Variants in GAS2 observed in about 807,000 individuals in gnomAD.
GAS2 encodes the protein growth arrest specific 2.
GAS2 carries 20 observed loss-of-function variants against 37.5 expected under a neutral mutation model. That is an observed-to-expected ratio of 0.53 (90% CI 0.37 to 0.77). The LOEUF is 0.77. Among genes scored for constraint, GAS2 ranks in the 30% least tolerant of loss-of-function variants. The probability of loss-of-function intolerance (pLI) is 0.00; values close to 1 mark genes in which losing one functional copy is unlikely to be tolerated. For synonymous variants in GAS2, 144 were observed against 132.2 expected, an observed-to-expected ratio of 1.09 and a Z score of -0.61; for missense variants, 336 against 373.4, an observed-to-expected ratio of 0.90 and a Z score of 0.82.
intron 6 of GAS2, among the ~76,000 whole-genome samples, chr11:22,749,947 T>C (rs1853639882): frequency 1.3e-5 from 2 of 152,062 alleles, no homozygotes; most frequent in Admixed American, 6.6e-5. Context: ...TAAGTAGTTA[T>C]TGGTTATGAA....
At chr11:22,758,122 C>CA (rs1564874118) in intron 7 of GAS2, among the ~76,000 whole-genome samples, 1 of 152,234 alleles carries the variant, frequency 6.6e-6, no homozygotes, top group East Asian at 1.9e-4. Flanking sequence ...AGTTACTACT[C>CA]AAAAAATCTC....
intron 1 of GAS2, among the ~76,000 whole-genome samples, chr11:22,654,277 A>G (rs527935758): frequency 1.3e-5 from 2 of 152,348 alleles, no homozygotes; most frequent in East Asian, 1.9e-4. Flanking sequence ...CTGTGAGGTC[A>G]TTATCACTTA....
chr11:22,665,216 T>C (rs1848964582), upstream of GAS2, among the ~76,000 whole-genome samples: 1 of 152,170 alleles, frequency 6.6e-6, no homozygotes, highest in Non-Finnish European at 1.5e-5. Flanking sequence ...AGAAATAGGA[T>C]GTAAGATTTT....
Position 22,674,941 on chromosome 11 carries a change from G to A in GAS2, c.72G>A (p.Trp24Ter). 1.2e-6 allele frequency: 2 copies of A among 1,613,910 alleles called. No individual in the cohort carries two copies. Among genetic ancestry groups the A allele is most frequent in the Non-Finnish European group, 1.7e-6 (2 of 1,179,888 alleles). The change falls in exon 2 of 8, where the codon TGG (tryptophan) becomes TGA (stop). Residue 24 changes from tryptophan to a stop codon, truncating the protein, a stop_gained. Coordinates refer to ENST00000454584, the MANE Select transcript of GAS2 (RefSeq NM_001143830.3). LOFTEE classifies it high-confidence loss of function. ...GLSDMHQYSQ[W>*]LASRHEANLL... ...CTGATATGCATCAGTATAGCCAATG[G>A]CTAGCCAGCAGACATGAAGCTAATT... is the stretch of plus-strand genomic sequence containing the variant.
intron 3 of GAS2, among the ~76,000 whole-genome samples, chr11:22,725,647 G>A (rs1003750809): frequency 3.9e-5 from 6 of 152,102 alleles, no homozygotes; most frequent in South Asian, 4.1e-4. Flanking sequence ...GGTTAGTCAC[G>A]AACTCCTGGA....
chr11:22,706,082 T>G (rs534540135), intron 3 of GAS2, among the ~76,000 whole-genome samples: 1 of 152,314 alleles, frequency 6.6e-6, no homozygotes, highest in Non-Finnish European at 1.5e-5. Flanking sequence ...AGACCAAAGC[T>G]AAGTCTTGTT....
intron 3 of GAS2, among the ~76,000 whole-genome samples, chr11:22,698,739 C>T (rs909562674): frequency 2.0e-5 from 3 of 152,054 alleles, no homozygotes; most frequent in African/African-American, 7.2e-5. Context: ...AAATGTAATC[C>T]AGCATATAAA....
chr11:22,669,840 G>C (rs146107026), intron 1 of GAS2, among the ~76,000 whole-genome samples: 53 of 152,216 alleles, frequency 3.5e-4, no homozygotes, highest in Middle Eastern at 3.4e-3. Context: ...GTCCCATTAC[G>C]AGGTCTGAAA....
At chr11:22,725,135 C>G (rs978429165) in intron 3 of GAS2, among the ~76,000 whole-genome samples, 29 of 151,940 alleles carry the variant, frequency 1.9e-4, no homozygotes, top group African/African-American at 6.8e-4. Flanking sequence ...CATTCTTTAG[C>G]TTCATGGAAT....
intron 3 of GAS2, among the ~76,000 whole-genome samples, chr11:22,696,617 T>A (rs1224036735): frequency 6.6e-6 from 1 of 151,922 alleles, no homozygotes; most frequent in Non-Finnish European, 1.5e-5. Context: ...GTTTCCTGAC[T>A]TTTTAATGAT....
rs889724182 is a variant in GAS2 at position 22,715,806 on chromosome 11, C to T, written c.268-10486C>T. Among the ~76,000 whole-genome samples, 7 of 151,936 alleles carry T rather than the reference C, an allele frequency of 4.6e-5. No homozygotes were observed. The East Asian group carries it at 1.4e-3, about 29-fold the overall frequency. ...TGGTACCAATCCTGCTGAAACTATT[C>T]CAAAAGATAAAGAGCTAATCTTCCC... is the stretch of plus-strand genomic sequence containing the variant. On this transcript the variant is annotated intron_variant, in intron 3 of 7. Coordinates refer to ENST00000454584, the MANE Select transcript of GAS2 (RefSeq NM_001143830.3).
intron 3 of GAS2, among the ~76,000 whole-genome samples, chr11:22,706,890 G>A (rs337455): frequency 0.2 from 29,834 of 151,800 alleles, 3,147 homozygotes; most frequent in East Asian, 0.38. Flanking sequence ...TCTAGTTCTA[G>A]ATCCCTGAGG....
chr11:22,738,802 A>T (rs1230606966), intron 5 of GAS2, among the ~76,000 whole-genome samples: 5 of 152,234 alleles, frequency 3.3e-5, no homozygotes, highest in Non-Finnish European at 7.3e-5. Flanking sequence ...TCTTTAAATC[A>T]TCATATCAAT....
chr11:22,769,227 A>G (rs1232785247), intron 7 of GAS2, among the ~76,000 whole-genome samples: 2 of 152,180 alleles, frequency 1.3e-5, no homozygotes, highest in African/African-American at 4.8e-5. Context: ...TATTTACAAA[A>G]CACCTTATAC....
At chr11:22,734,506 G>A (rs1235629290) in intron 4 of GAS2, among the ~76,000 whole-genome samples, 1 of 151,460 alleles carries the variant, frequency 6.6e-6, no homozygotes, top group African/African-American at 2.4e-5. Flanking sequence ...TTCTCTCACT[G>A]TCTAGTAACT....
intron 7 of GAS2, among the ~76,000 whole-genome samples, chr11:22,801,055 C>A (rs139195762): frequency 6.6e-6 from 1 of 151,892 alleles, no homozygotes; most frequent in Non-Finnish European, 1.5e-5. Context: ...CAATGAAAAG[C>A]GAGTTGATAT....
At chr11:22,692,331 T>G (rs1306371279) in intron 3 of GAS2, among the ~76,000 whole-genome samples, 1 of 152,142 alleles carries the variant, frequency 6.6e-6, no homozygotes, top group African/African-American at 2.4e-5. Context: ...TTAGAAAGTT[T>G]ATTTTGCCAA....
At chr11:22,627,539 C>T (rs955688335) in intron 1 of GAS2, among the ~76,000 whole-genome samples, 4 of 152,070 alleles carry the variant, frequency 2.6e-5, no homozygotes, top group Non-Finnish European at 5.9e-5. Context: ...TGAGGCCAGG[C>T]GGGTGGATTA....
At chr11:22,745,295 A>G (rs115296502) in intron 5 of GAS2, among the ~76,000 whole-genome samples, 17 of 152,248 alleles carry the variant, frequency 1.1e-4, no homozygotes, top group African/African-American at 4.1e-4. Context: ...TATAGAATCC[A>G]GAACCAAAGC....
Sources: gnomAD v4.1 joint callset for allele counts (sites outside exome capture counted in the v4.1 genomes callset) on GRCh38, gnomAD v4.1.1 for gene constraint, MANE v1.5 for transcripts, NCBI Gene and HGNC (gene_info 2026-07-23, HGNC 2026-07-21) for gene names.